SFMBT1: variants seen among roughly 807,000 people sequenced by gnomAD.
SFMBT1 encodes Scm like with four mbt domains 1, also known as scm-like with four MBT domains protein 1.
In SFMBT1, 32 loss-of-function variants were observed where a neutral mutation model predicts 108.7. The observed-to-expected ratio is 0.29, with a 90% CI of 0.22 to 0.40. The LOEUF is 0.40. Among genes scored for constraint, SFMBT1 ranks in the 10% least tolerant of loss-of-function variants. SFMBT1 has a pLI of 1.00. For synonymous variants in SFMBT1, 348 were observed against 369.5 expected (o/e 0.94, Z 0.67); for missense variants, 816 against 1,059.6 (o/e 0.77, Z 3.19).
intron 17 of SFMBT1, 21 bp from the exon 18 acceptor site, chr3:52,907,754 A>G (rs577507155): frequency 6.4e-7 from 1 of 1,573,492 alleles, no homozygotes; most frequent in South Asian, 1.2e-5. Flanking sequence ...ATGACAAAGA[A>G]AAATGAAGTA....
At chr3:53,012,819 TG>T (rs1229309518) in intron 1 of SFMBT1, among the ~76,000 whole-genome samples, 3 of 151,646 alleles carry the variant, frequency 2.0e-5, no homozygotes, top group Non-Finnish European at 4.4e-5. Context: ...TATGGGAAAA[TG>T]GAAGACACAA....
At chr3:52,952,727 T>C (rs1240877100) in intron 3 of SFMBT1, among the ~76,000 whole-genome samples, 1 of 152,156 alleles carries the variant, frequency 6.6e-6, no homozygotes, top group Non-Finnish European at 1.5e-5. Flanking sequence ...GCTAATCCCA[T>C]TCATGAGAAA....
At chr3:52,975,761 C>T (rs1273452860) in intron 1 of SFMBT1, among the ~76,000 whole-genome samples, 1 of 152,070 alleles carries the variant, frequency 6.6e-6, no homozygotes, top group East Asian at 1.9e-4. Context: ...GCTACCACGC[C>T]CGGCTACTTT....
intron 5 of SFMBT1, among the ~76,000 whole-genome samples, chr3:52,932,777 G>T (rs1040381909): frequency 6.6e-6 from 1 of 152,112 alleles, no homozygotes. Context: ...CGGGCATGGT[G>T]GTAGGCACCT....
At chr3:52,948,658 A>G (rs1472417620) in intron 3 of SFMBT1, among the ~76,000 whole-genome samples, 1 of 149,430 alleles carries the variant, frequency 6.7e-6, no homozygotes, top group Non-Finnish European at 1.5e-5. Context: ...TATTGTTATT[A>G]TTATTTTTGG....
chr3:52,930,925 CAT>C lies in SFMBT1; in HGVS notation c.795+14_795+15del, dbSNP rs755868997. 4.9e-5 allele frequency: 79 copies of C among 1,608,404 alleles called. No homozygotes were observed. Among genetic ancestry groups the C allele is most frequent in the African/African-American group, 2.0e-4 (15 of 74,806 alleles). Reference sequence around the variant, plus strand: ...TAAGGGGAGCAATACCGGTCTATCACATGTTTTGTTTTTACCTTAAATAAGTA... The same window carrying C: ...TAAGGGGAGCAATACCGGTCTATCACGTTTTGTTTTTACCTTAAATAAGTA... On this transcript the variant is annotated intron_variant, in intron 7 of 20. Coordinates refer to ENST00000394752, the MANE Select transcript of SFMBT1 (RefSeq NM_016329.4).
chr3:52,971,616 A>G (rs887592954), intron 1 of SFMBT1, among the ~76,000 whole-genome samples: 1 of 152,188 alleles, frequency 6.6e-6, no homozygotes, highest in Non-Finnish European at 1.5e-5. Context: ...ATCAAGAGAG[A>G]TATGGTTCCT....
At chr3:52,907,365 G>T in intron 18 of SFMBT1, 51 bp from the exon 19 acceptor site, 1 of 1,556,192 alleles carries the variant, frequency 6.4e-7, no homozygotes, top group Non-Finnish European at 8.6e-7. Context: ...TCAATCCCAG[G>T]TTTCATATGA....
intron 1 of SFMBT1, among the ~76,000 whole-genome samples, chr3:52,970,751 T>C (rs950644490): frequency 3.9e-5 from 6 of 152,196 alleles, no homozygotes; most frequent in South Asian, 2.1e-4. Flanking sequence ...TAAGCAACTT[T>C]AATCATGAAG....
intron 1 of SFMBT1, among the ~76,000 whole-genome samples, chr3:52,988,595 T>C (rs62253655): frequency 9.2e-5 from 14 of 152,198 alleles, no homozygotes; most frequent in African/African-American, 3.4e-4. Context: ...ATTAGTTATT[T>C]AGAAAAAGTA....
In SFMBT1 at chr3:52,907,080, G is replaced by A. The variant is rs374308555; in HGVS notation, c.2320C>T (p.Pro774Ser). The A allele has an allele frequency of 9.3e-5, 149 of 1,609,040 alleles. No individual in the cohort carries two copies. The highest frequency in any genetic ancestry group is 1.2e-4 in the Non-Finnish European group (145 of 1,178,394). ...TTTTTAAATGGTACCTTTGGTGAAGGAGGTTTATTTTCATCGTCAGAAAAT... is the reference window on the plus strand; with the variant it reads ...TTTTTAAATGGTACCTTTGGTGAAGAAGGTTTATTTTCATCGTCAGAAAAT... Reference protein sequence around the residue: ...FSFSDDENKPPSPKEIRIEVA... With the variant: ...FSFSDDENKPSSPKEIRIEVA... The change falls in exon 19 of 21, where the codon CCT (proline) becomes TCT (serine). Residue 774 changes from proline (P) to serine (S), a missense_variant. Around this residue, in one of 5 missense-constraint regions of SFMBT1, gnomAD observed 177 missense variants for 182.0 expected, o/e 0.97. Transcript: ENST00000394752.
chr3:52,930,122 G>A (rs1702811046), intron 8 of SFMBT1, among the ~76,000 whole-genome samples: 1 of 152,200 alleles, frequency 6.6e-6, no homozygotes, highest in South Asian at 2.1e-4. Context: ...GCCCAAGGCT[G>A]CTTTGGCTAG....
At chr3:52,980,787 G>A (rs1333650252) in intron 1 of SFMBT1, among the ~76,000 whole-genome samples, 1 of 152,162 alleles carries the variant, frequency 6.6e-6, no homozygotes, top group African/African-American at 2.4e-5. Context: ...TTATGTGGGT[G>A]CACGACTGCT....
intron 2 of SFMBT1, among the ~76,000 whole-genome samples, chr3:52,958,159 C>T (rs116706119): frequency 0.029 from 4,474 of 152,190 alleles, 236 homozygotes; most frequent in African/African-American, 0.1. Context: ...AGGACATGAA[C>T]AGACACCTTA....
At chr3:52,932,605 C>T (rs761886535) in intron 5 of SFMBT1, among the ~76,000 whole-genome samples, 1 of 152,048 alleles carries the variant, frequency 6.6e-6, no homozygotes, top group African/African-American at 2.4e-5. Flanking sequence ...ATCATCATTC[C>T]TCATCTATTA....
At chr3:52,949,664 C>T (rs1313383653) in intron 3 of SFMBT1, among the ~76,000 whole-genome samples, 4 of 149,430 alleles carry the variant, frequency 2.7e-5, no homozygotes, top group East Asian at 2.0e-4. Context: ...CCGCAACCTC[C>T]GCCTCCTAGA....
intron 2 of SFMBT1, among the ~76,000 whole-genome samples, chr3:52,956,310 A>C (rs950478367): frequency 1.3e-5 from 2 of 152,244 alleles, no homozygotes; most frequent in African/African-American, 4.8e-5. Context: ...AAATACAAAA[A>C]TTAGCTGGGT....
chr3:52,983,885 A>C (rs776192842), intron 1 of SFMBT1, among the ~76,000 whole-genome samples: 14 of 152,204 alleles, frequency 9.2e-5, no homozygotes, highest in Non-Finnish European at 1.3e-4. Flanking sequence ...TGAGCAGAGG[A>C]GGAACATAAT....
rs182385312 is a variant in SFMBT1, at chr3:52,920,548, C to T, written c.1361G>A (p.Arg454His). 30 of 1,612,468 alleles carry T rather than the reference C, an allele frequency of 1.9e-5. No individual in the cohort carries two copies. In the East Asian group the frequency reaches 5.1e-4, roughly 28 times the overall value. Residue 454 changes from arginine to histidine, a missense_variant, in exon 12 of 21, where the codon CGC becomes CAC. Physicochemically the swap from Arg to His is conservative, Grantham distance 29. Coordinates refer to ENST00000394752, the MANE Select transcript of SFMBT1 (RefSeq NM_016329.4). ...AAATAGACAGATACCTCGTGCTCGG[C>T]GAGGAGTGCTGAGGGGGTGGCCGTT... ...ETNGHPLSTP[R>H]RARVYKQRKI...
Sources: allele counts gnomAD v4.1 joint callset (sites outside exome capture counted in the v4.1 genomes callset), GRCh38; gene constraint gnomAD v4.1.1; regional missense constraint gnomAD v4.1.1; transcripts MANE v1.5; gene names NCBI Gene and HGNC (gene_info 2026-07-23, HGNC 2026-07-21).